Variants in HOMER1 observed in about 807,000 individuals in gnomAD.
HOMER1 encodes the protein homer protein homolog 1.
A neutral mutation model predicts 48.9 loss-of-function variants in HOMER1; 3 were observed. The ratio of observed to expected loss-of-function variants is 0.06; its 90% confidence interval spans 0.03 to 0.16. The LOEUF is 0.16. HOMER1 is among the 10% of genes least tolerant of loss of function. HOMER1 has a pLI of 1.00. For synonymous variants in HOMER1, 134 were observed against 146.4 expected (o/e 0.92, Z 0.61); for missense variants, 247 against 411.4 (o/e 0.60, Z 3.46).
chr5:79,465,594 T>C lies in HOMER1; in HGVS notation c.6-8576A>G, dbSNP rs1272021722. 1.6e-5 allele frequency among the ~76,000 whole-genome samples: 2 copies of C among 128,712 alleles called. 1 individual carries two copies. Among genetic ancestry groups the C allele is most frequent in the African/African-American group, 6.2e-5 (2 of 32,082 alleles). 84.4% of individuals were successfully genotyped at this position (128,712 alleles called of 152,430 possible). A position where few individuals can be genotyped will look rare whatever the true frequency, so the allele number is the denominator to read the frequency against. ...CTGTTTACATTTCTTCTTTTTTTTT[T>C]TTTTTTTTTTTTTTTTGAGACAGAG... On this transcript the variant is annotated intron_variant, in intron 1 of 8. Transcript: ENST00000334082.
intron 5 of HOMER1, among the ~76,000 whole-genome samples, chr5:79,410,205 C>T (rs2112232364): frequency 6.6e-6 from 1 of 152,038 alleles, no homozygotes; most frequent in South Asian, 2.1e-4. Context: ...TGAAATACAA[C>T]TTAGGGCCAG....
intron 5 of HOMER1, among the ~76,000 whole-genome samples, chr5:79,436,474 T>A (rs1312120199): frequency 6.6e-6 from 1 of 152,204 alleles, no homozygotes; most frequent in African/African-American, 2.4e-5. Context: ...CTTACGCAAC[T>A]CACCTAACCT....
intron 2 of HOMER1, among the ~76,000 whole-genome samples, chr5:79,451,431 ATATT>A (rs1751024824): frequency 6.6e-6 from 1 of 152,078 alleles, no homozygotes; most frequent in African/African-American, 2.4e-5. Flanking sequence ...TTTAGAATCA[ATATT>A]TATTAATTTT....
At chr5:79,430,099 T>A (rs1750381596) in intron 5 of HOMER1, among the ~76,000 whole-genome samples, 1 of 150,702 alleles carries the variant, frequency 6.6e-6, no homozygotes. Context: ...CTAATAGAAC[T>A]GAAGAAAATA....
intron 4 of HOMER1, among the ~76,000 whole-genome samples, chr5:79,443,707 G>A (rs1198920980): frequency 1.3e-5 from 2 of 152,088 alleles, no homozygotes; most frequent in Non-Finnish European, 2.9e-5. Context: ...AGGACATATT[G>A]TTCTCATTCT....
chr5:79,506,104 T>TTTTA (rs145852965), intron 1 of HOMER1, among the ~76,000 whole-genome samples: 17 of 87,544 alleles, frequency 1.9e-4, no homozygotes, highest in African/African-American at 3.0e-4. Flanking sequence ...TTTTAAAAAC[T>TTTTA]TTTATTTATT....
chr5:79,457,237 G>A (rs1751199586), intron 1 of HOMER1, among the ~76,000 whole-genome samples: 1 of 152,170 alleles, frequency 6.6e-6, no homozygotes, highest in Non-Finnish European at 1.5e-5. Flanking sequence ...CTGTACATGT[G>A]AATTCACCTA....
chr5:79,422,753 G>T (rs911692904), intron 5 of HOMER1, among the ~76,000 whole-genome samples: 1 of 151,576 alleles, frequency 6.6e-6, no homozygotes, highest in Non-Finnish European at 1.5e-5. Flanking sequence ...AAGTACTAAG[G>T]ATAGTGTTCA....
intron 1 of HOMER1, among the ~76,000 whole-genome samples, chr5:79,510,075 G>C (rs1320314986): frequency 6.6e-6 from 1 of 151,992 alleles, no homozygotes; most frequent in Non-Finnish European, 1.5e-5. Context: ...TACGCATAAA[G>C]TGTGGAAACG....
chr5:79,384,673 A>C (rs553606398), intron 8 of HOMER1, among the ~76,000 whole-genome samples: 1 of 152,278 alleles, frequency 6.6e-6, no homozygotes, highest in East Asian at 1.9e-4. Flanking sequence ...TGATACCAAA[A>C]ACCAGACAAA....
At chr5:79,405,982 G>C (rs1235917187) in intron 5 of HOMER1, among the ~76,000 whole-genome samples, 1 of 152,164 alleles carries the variant, frequency 6.6e-6, no homozygotes, top group Non-Finnish European at 1.5e-5. Context: ...AAACACTGTA[G>C]ACCTGGAACA....
At chr5:79,471,689 C>T (rs906540079) in intron 1 of HOMER1, among the ~76,000 whole-genome samples, 6 of 152,214 alleles carry the variant, frequency 3.9e-5, no homozygotes, top group Middle Eastern at 6.9e-3. Flanking sequence ...TTTCAAGAGC[C>T]TCTAAGGTGA....
chr5:79,414,957 C>A (rs1444970498), intron 5 of HOMER1, among the ~76,000 whole-genome samples: 2 of 152,110 alleles, frequency 1.3e-5, no homozygotes, highest in East Asian at 3.9e-4. Context: ...TGGTCATATT[C>A]TAGGAAACAC....
At chr5:79,478,738 G>C (rs1751860692) in intron 1 of HOMER1, among the ~76,000 whole-genome samples, 1 of 152,108 alleles carries the variant, frequency 6.6e-6, no homozygotes, top group Admixed American at 6.5e-5. Flanking sequence ...GATCACCTGA[G>C]GTCAGGAGTT....
At chr5:79,477,471 T>G (rs1254118066) in intron 1 of HOMER1, among the ~76,000 whole-genome samples, 1 of 152,244 alleles carries the variant, frequency 6.6e-6, no homozygotes, top group Non-Finnish European at 1.5e-5. Context: ...CCACTATCCC[T>G]TCTGTTGGCT....
chr5:79,447,269 C>G, intron 3 of HOMER1, 124 bp from the exon 4 acceptor site: 1 of 617,188 alleles, frequency 1.6e-6, no homozygotes, highest in South Asian at 2.0e-5. Flanking sequence ...GCCTCCAAAC[C>G]AATTATAGCT....
chr5:79,479,394 C>T (rs1274354470), intron 1 of HOMER1, among the ~76,000 whole-genome samples: 1 of 152,042 alleles, frequency 6.6e-6, no homozygotes, highest in Non-Finnish European at 1.5e-5. Context: ...GCCGAGTGGG[C>T]CCCAAATGTA....
intron 8 of HOMER1, among the ~76,000 whole-genome samples, chr5:79,392,259 A>G (rs1157267231): frequency 3.3e-5 from 5 of 152,184 alleles, no homozygotes; most frequent in Non-Finnish European, 7.4e-5. Flanking sequence ...TTCAGGGGGT[A>G]TTCCAGAAGA....
intron 1 of HOMER1, among the ~76,000 whole-genome samples, chr5:79,494,857 G>A (rs183158825): frequency 7.5e-4 from 114 of 152,296 alleles, no homozygotes; most frequent in African/African-American, 2.6e-3. Context: ...CAACAAGAGT[G>A]AAACTCTTGC....
Sources: allele counts gnomAD v4.1 joint callset (sites outside exome capture counted in the v4.1 genomes callset), GRCh38; gene constraint gnomAD v4.1.1; transcripts MANE v1.5; gene names NCBI Gene and HGNC (gene_info 2026-07-23, HGNC 2026-07-21).